The following PKD1L1 variants were observed in gnomAD, a reference collection of about 807,000 sequenced individuals.
PKD1L1 encodes the protein polycystin-1-like protein 1.
A neutral mutation model predicts 323.4 loss-of-function variants in PKD1L1; 236 were observed. The ratio of observed to expected loss-of-function variants is 0.73; its 90% CI spans 0.66 to 0.81. PKD1L1 has a LOEUF of 0.81. PKD1L1 is among the 40% of genes least tolerant of loss of function. PKD1L1 has a pLI of 0.00. For missense variants in PKD1L1, 3,320 were observed against 3,508.0 expected (o/e 0.95, Z 1.35); for synonymous variants, 1,344 against 1,335.0 (o/e 1.01, Z -0.15).
chr7:47,888,737 C>T (rs1044261191), intron 16 of PKD1L1, among the ~76,000 whole-genome samples: 4 of 152,216 alleles, frequency 2.6e-5, no homozygotes, highest in Non-Finnish European at 4.4e-5. Flanking sequence ...CACAGCCCGG[C>T]GCCCACCTCC....
At chr7:47,958,829 G>A in the PKD1L1 span, among the ~76,000 whole-genome samples, 1 of 150,172 alleles carries the variant, frequency 6.7e-6, no homozygotes, top group Middle Eastern at 3.4e-3. Context: ...TCTCCCCACG[G>A]TCTCCCTCTC....
chr7:47,878,167 T>A (rs550426978), intron 21 of PKD1L1, among the ~76,000 whole-genome samples: 1 of 152,348 alleles, frequency 6.6e-6, no homozygotes, highest in Admixed American at 6.5e-5. Flanking sequence ...TTTTGTTTTA[T>A]TAACTATATT....
In PKD1L1 at chr7:47,902,496, T is replaced by C; in HGVS notation, c.1947A>G (p.Thr649=). The C allele has an allele frequency of 6.2e-7, 1 of 1,614,000 alleles. No individual in the cohort carries two copies. Among genetic ancestry groups the C allele is most frequent in the Non-Finnish European group, 8.5e-7 (1 of 1,179,932 alleles). Residue 649 remains threonine, a synonymous_variant, in exon 13 of 57, where the codon ACA becomes ACG. Coordinates refer to ENST00000289672, the MANE Select transcript of PKD1L1 (RefSeq NM_138295.5). Reference sequence around the variant, plus strand: ...CATTATTGAAGGCAAGGACCTCCACTGTAAATTCTCCTTCCCTGGGACGGT... The same window carrying C: ...CATTATTGAAGGCAAGGACCTCCACCGTAAATTCTCCTTCCCTGGGACGGT... ...SHVYSREGEF[T]VEVLAFNNVS...
chr7:47,835,439 C>T (rs558435675), intron 37 of PKD1L1, among the ~76,000 whole-genome samples, 196 bp from the exon 38 acceptor site: 1 of 152,272 alleles, frequency 6.6e-6, no homozygotes, highest in South Asian at 2.1e-4. Context: ...CTTTCTCTGT[C>T]GCCCAGCCTG....
intron 47 of PKD1L1, 65 bp from the exon 48 acceptor site, chr7:47,814,079 G>A (rs900332461): frequency 3.4e-5 from 46 of 1,372,322 alleles, no homozygotes; most frequent in African/African-American, 8.6e-5. Context: ...CTCATCAAGC[G>A]TGCTCAAAAG....
intron 4 of PKD1L1, among the ~76,000 whole-genome samples, chr7:47,936,182 C>T (rs1787863994): frequency 2.0e-5 from 3 of 152,116 alleles, no homozygotes; most frequent in African/African-American, 7.2e-5. Context: ...AAAACAATAA[C>T]ATAACATTTA....
chr7:47,929,107 G>C (rs543072723), intron 7 of PKD1L1, 97 bp downstream of exon 7: 4 of 1,263,218 alleles, frequency 3.2e-6, no homozygotes, highest in Non-Finnish European at 4.4e-6. Flanking sequence ...CCAGAGAAAC[G>C]GAATGCAGTT....
At chr7:47,911,533 A>G (rs1787321161) in intron 8 of PKD1L1, among the ~76,000 whole-genome samples, 1 of 152,230 alleles carries the variant, frequency 6.6e-6, no homozygotes, top group Non-Finnish European at 1.5e-5. Flanking sequence ...AAATTATTAT[A>G]ATAGAGCAAG....
At chr7:47,822,626 T>G (rs1785167437) in intron 45 of PKD1L1, among the ~76,000 whole-genome samples, 2 of 142,570 alleles carry the variant, frequency 1.4e-5, no homozygotes, top group Non-Finnish European at 1.5e-5. Flanking sequence ...AAAACAGCTG[T>G]GGTATTGCAT....
chr7:47,906,429 T>A (rs1440442818), intron 9 of PKD1L1, among the ~76,000 whole-genome samples: 3 of 152,126 alleles, frequency 2.0e-5, no homozygotes, highest in Non-Finnish European at 4.4e-5. Context: ...ATATAGCATA[T>A]ACACACATAC....
chr7:47,823,113 G>A (rs1328876678), intron 45 of PKD1L1, among the ~76,000 whole-genome samples: 2 of 152,158 alleles, frequency 1.3e-5, no homozygotes, highest in Admixed American at 6.5e-5. Context: ...CAATAGGTGT[G>A]ATCGGAGAGG....
chr7:47,793,775 C>T (rs1371194163), intron 55 of PKD1L1, among the ~76,000 whole-genome samples: 1 of 152,134 alleles, frequency 6.6e-6, no homozygotes, highest in African/African-American at 2.4e-5. Flanking sequence ...AAGTTTGGAA[C>T]CTCCTAGAGA....
intron 52 of PKD1L1, among the ~76,000 whole-genome samples, chr7:47,804,649 A>T (rs1329097827): frequency 6.6e-6 from 1 of 150,666 alleles, no homozygotes; most frequent in African/African-American, 2.4e-5. Context: ...TATTATTTTT[A>T]TTTTTTTTGC....
intron 33 of PKD1L1, among the ~76,000 whole-genome samples, chr7:47,844,116 G>A (rs1468906379): frequency 6.6e-6 from 1 of 152,140 alleles, no homozygotes; most frequent in African/African-American, 2.4e-5. Context: ...CCCATGGTTT[G>A]CCCCAGCCCC....
At chr7:47,801,644 C>A (rs557895143) in intron 53 of PKD1L1, among the ~76,000 whole-genome samples, 2 of 152,264 alleles carry the variant, frequency 1.3e-5, no homozygotes, top group African/African-American at 4.8e-5. Context: ...CAAGCCTGGA[C>A]AGGTACCCAA....
chr7:47,951,232 T>C (rs889563587), upstream of PKD1L1, among the ~76,000 whole-genome samples: 3 of 152,302 alleles, frequency 2.0e-5, no homozygotes, highest in East Asian at 5.8e-4. Flanking sequence ...CCTTATGACC[T>C]TGCTGAAAGG....
chr7:47,778,710 A>G (rs376122718), intron 56 of PKD1L1, among the ~76,000 whole-genome samples: 64 of 152,306 alleles, frequency 4.2e-4, no homozygotes, highest in African/African-American at 1.5e-3. Flanking sequence ...AGTCATCCTC[A>G]TCTTTGTATG....
intron 26 of PKD1L1, among the ~76,000 whole-genome samples, chr7:47,860,380 A>G (rs1388550670): frequency 6.6e-6 from 1 of 152,208 alleles, no homozygotes; most frequent in African/African-American, 2.4e-5. Flanking sequence ...GACACAGACT[A>G]ATCTTTTTCT....
At position 47,834,320 on chromosome 7, in the gene PKD1L1, C is replaced by G. The variant is rs766129738; in HGVS notation, c.6174+19G>C. The stretch of plus-strand genomic sequence containing the variant: ...TTTCATGCTAGAAGATTAGCTGCTG[C>G]GCATAATGATTGATTTACCTTGCGT... On this transcript the variant is annotated intron_variant, in intron 40 of 56. Transcript: ENST00000289672. 1.9e-6 allele frequency: 3 copies of G among 1,609,820 alleles called. No homozygotes were observed. The Admixed American group carries it at 5.0e-5, about 27-fold the overall frequency.
Sources: allele counts gnomAD v4.1 joint callset (sites outside exome capture counted in the v4.1 genomes callset), GRCh38; gene constraint gnomAD v4.1.1; transcripts MANE v1.5; gene names NCBI Gene and HGNC (gene_info 2026-07-23, HGNC 2026-07-21).